The following NETO1 variants were observed in gnomAD, a reference collection of about 807,000 sequenced individuals.
The protein encoded by NETO1 is neuropilin and tolloid-like protein 1.
In NETO1, 26 loss-of-function variants were observed where a neutral mutation model predicts 61.3. That is an observed-to-expected ratio of 0.42 (90% CI 0.31 to 0.59). The LOEUF (loss-of-function observed/expected upper bound fraction) is 0.59, where lower values mean the gene tolerates loss of function less well. NETO1 is among the 20% of genes least tolerant of loss of function. NETO1 has a pLI of 0.12. For synonymous variants in NETO1, 225 were observed against 225.8 expected (o/e 1.00, Z 0.03); for missense variants, 531 against 662.8 (o/e 0.80, Z 2.18).
chr18:72,833,703 C>G (rs1302123777), intron 4 of NETO1, among the ~76,000 whole-genome samples: 1 of 152,086 alleles, frequency 6.6e-6, no homozygotes, highest in African/African-American at 2.4e-5. Context: ...GAGGATATGA[C>G]TCAGGGATGG....
chr18:72,837,965 C>T (rs1258033085), intron 4 of NETO1, among the ~76,000 whole-genome samples: 1 of 150,976 alleles, frequency 6.6e-6, no homozygotes, highest in Non-Finnish European at 1.5e-5. Context: ...TCCCCTATGA[C>T]AGGTATCTCT....
chr18:72,769,544 G>A (rs2071275637), intron 7 of NETO1, among the ~76,000 whole-genome samples: 1 of 151,960 alleles, frequency 6.6e-6, no homozygotes, highest in South Asian at 2.1e-4. Flanking sequence ...CCTATTTGTT[G>A]CTTTGTAAAA....
chr18:72,755,992 C>G lies in NETO1; in HGVS notation c.982+42G>C, dbSNP rs200197350. 4 of 1,073,112 alleles carry G rather than the reference C, an allele frequency of 3.7e-6. No homozygotes were observed. The Admixed American group carries it at 5.3e-5, about 14-fold the overall frequency. The allele number at this position is 1,073,112 out of a possible 1,614,324, so 66.5% of individuals were successfully genotyped here. ...ACATATAAACTTCTACCCCACTCCA[C>G]AGGGAGGAAATTTTTTTCAAATTTC... On this transcript the variant is annotated intron_variant, in intron 8 of 10. Coordinates refer to ENST00000327305, the MANE Select transcript of NETO1 (RefSeq NM_138966.5).
chr18:72,860,883 T>C (rs1451595933), intron 3 of NETO1, among the ~76,000 whole-genome samples: 1 of 152,224 alleles, frequency 6.6e-6, no homozygotes, highest in Non-Finnish European at 1.5e-5. Flanking sequence ...AGCGCTTGCA[T>C]ACATTATCAT....
chr18:72,863,863 T>C (rs78963191), intron 3 of NETO1, among the ~76,000 whole-genome samples: 2,664 of 152,168 alleles, frequency 0.018, 85 homozygotes, highest in African/African-American at 0.062. Flanking sequence ...GTACTAACAG[T>C]TGGAATACTG....
chr18:72,745,812 A>G lies in NETO1; in HGVS notation c.*2367T>C, dbSNP rs977987236. 7 of 152,182 alleles carry G rather than the reference A, an allele frequency of 4.6e-5. No individual in the cohort carries two copies. Among genetic ancestry groups the G allele is most frequent in the Non-Finnish European group, 1.0e-4 (7 of 68,046 alleles). 9.4% of individuals were successfully genotyped at this position (152,182 alleles called of 1,614,324 possible). ...AGAGTGAATGCCAGGAGAAAAGGCT[A>G]CCTCCAGACACTGCCCAGCATCGTC... On this transcript the variant is annotated 3_prime_UTR_variant, in exon 11 of 11. Coordinates refer to ENST00000327305, the MANE Select transcript of NETO1 (RefSeq NM_138966.5).
chr18:72,742,984 T>G (rs968237664), downstream of NETO1, among the ~76,000 whole-genome samples: 1 of 152,194 alleles, frequency 6.6e-6, no homozygotes, highest in Non-Finnish European at 1.5e-5. Flanking sequence ...CCCGTTACTC[T>G]TTCTCATGTC....
chr18:72,825,885 A>T (rs1398047939), intron 4 of NETO1, among the ~76,000 whole-genome samples: 1 of 152,212 alleles, frequency 6.6e-6, no homozygotes, highest in East Asian at 1.9e-4. Context: ...GATTTAAAAC[A>T]CTAGATTTTT....
chr18:72,762,585 C>CA (rs1259116145), intron 7 of NETO1, among the ~76,000 whole-genome samples: 2 of 152,058 alleles, frequency 1.3e-5, no homozygotes, highest in Non-Finnish European at 2.9e-5. Context: ...AAATGTTAAT[C>CA]AAAAAAGTTA....
At chr18:72,799,348 G>A (rs1232296289) in intron 4 of NETO1, among the ~76,000 whole-genome samples, 1 of 152,210 alleles carries the variant, frequency 6.6e-6, no homozygotes, top group Non-Finnish European at 1.5e-5. Flanking sequence ...TTTCTGTATG[G>A]TGTATTTTTC....
At position 72,756,125 on chromosome 18, in the gene NETO1, G is replaced by A; in HGVS notation, c.891C>T (p.Phe297=). ...FQEPPCEGNT[F]FCHSNMCINN... Reference sequence around the variant, plus strand: ...TAATACACATGTTACTATGGCAGAAGAATGTGTTGCCTTCACAAGGAGCTA... The same window carrying A: ...TAATACACATGTTACTATGGCAGAAAAATGTGTTGCCTTCACAAGGAGCTA... The change falls in exon 8 of 11, where the codon TTC becomes TTT. Residue 297 remains phenylalanine, a synonymous_variant. Transcript: ENST00000327305. 2 of 1,602,036 alleles carry A rather than the reference G, an allele frequency of 1.2e-6. No individual in the cohort carries two copies. Among genetic ancestry groups the A allele is most frequent in the Non-Finnish European group, 1.7e-6 (2 of 1,170,286 alleles).
intron 7 of NETO1, among the ~76,000 whole-genome samples, chr18:72,780,542 C>T (rs1224735574): frequency 6.6e-6 from 1 of 152,142 alleles, no homozygotes; most frequent in Admixed American, 6.5e-5. Flanking sequence ...GGTCTTTTCA[C>T]CTAACCTACA....
intron 1 of NETO1, chr18:72,866,963 A>T (rs2074754816): frequency 4.9e-6 from 2 of 409,136 alleles, no homozygotes; most frequent in Non-Finnish European, 8.3e-6. Context: ...CGCTTGGGCC[A>T]ATCTCTGCCG....
At chr18:72,812,564 C>T (rs946835167) in intron 4 of NETO1, among the ~76,000 whole-genome samples, 3 of 152,186 alleles carry the variant, frequency 2.0e-5, no homozygotes, top group Admixed American at 6.5e-5. Context: ...CAATTCCTTT[C>T]TTTGGAAGTT....
intron 6 of NETO1, 56 bp downstream of exon 6, chr18:72,794,061 G>C (rs1599011990): frequency 1.9e-6 from 3 of 1,610,090 alleles, no homozygotes; most frequent in East Asian, 4.5e-5. Context: ...AGCAATGCTT[G>C]TTATAGACAC....
intron 4 of NETO1, among the ~76,000 whole-genome samples, chr18:72,822,631 A>G (rs554132561): frequency 2.6e-5 from 4 of 152,328 alleles, no homozygotes; most frequent in East Asian, 1.9e-4. Flanking sequence ...ACATTTTTCT[A>G]TTCTGGGGTT....
intron 4 of NETO1, among the ~76,000 whole-genome samples, chr18:72,803,543 C>T (rs371107688): frequency 3.3e-5 from 5 of 152,152 alleles, no homozygotes; most frequent in Non-Finnish European, 2.9e-5. Context: ...ACTCTCCTGG[C>T]CAGGAGCGGT....
chr18:72,810,638 T>C (rs2072834347), intron 4 of NETO1, among the ~76,000 whole-genome samples: 2 of 152,190 alleles, frequency 1.3e-5, no homozygotes, highest in South Asian at 2.1e-4. Flanking sequence ...ACAAAAGCAC[T>C]CTGAAATGGT....
chr18:72,851,637 T>C (rs1275216608), intron 4 of NETO1, among the ~76,000 whole-genome samples: 1 of 152,044 alleles, frequency 6.6e-6, no homozygotes, highest in African/African-American at 2.4e-5. Context: ...AATTTTACAA[T>C]TGAGGTAGAA....
Sources: allele counts gnomAD v4.1 joint callset (sites outside exome capture counted in the v4.1 genomes callset), GRCh38; gene constraint gnomAD v4.1.1; transcripts MANE v1.5; gene names NCBI Gene and HGNC (gene_info 2026-07-23, HGNC 2026-07-21).